CCDC33: variants seen among roughly 807,000 people sequenced by gnomAD.
CCDC33 encodes the protein coiled-coil domain-containing protein 33.
In CCDC33, 94 loss-of-function variants were observed where a neutral mutation model predicts 91.9. The ratio of observed to expected loss-of-function variants is 1.02; its 90% confidence interval spans 0.87 to 1.21. CCDC33 has a LOEUF of 1.21. Among genes scored for constraint, CCDC33 ranks in the 50% most tolerant of loss-of-function variants. The pLI is 0.00. For missense variants in CCDC33, 940 were observed against 935.5 expected (o/e 1.00, Z -0.06); for synonymous variants, 396 against 374.5 (o/e 1.06, Z -0.66).
intron 11 of CCDC33, among the ~76,000 whole-genome samples, chr15:74,297,830 G>A (rs1462914538): frequency 6.6e-6 from 1 of 152,230 alleles, no homozygotes; most frequent in Non-Finnish European, 1.5e-5. Context: ...AGGGCTCAGA[G>A]CAACCTCTCC....
chr15:74,250,306 G>A (rs1470694671), intron 2 of CCDC33, among the ~76,000 whole-genome samples: 1 of 152,114 alleles, frequency 6.6e-6, no homozygotes, highest in African/African-American at 2.4e-5. Context: ...CCAAAGTAAA[G>A]AGGATTCCAG....
intron 11 of CCDC33, among the ~76,000 whole-genome samples, chr15:74,305,198 C>T (rs1241207371): frequency 6.6e-6 from 1 of 152,186 alleles, no homozygotes; most frequent in South Asian, 2.1e-4. Context: ...CCACCCGCCT[C>T]GCCCTCCCAA....
At chr15:74,221,985 C>T (rs1398799600) in intron 2 of CCDC33, among the ~76,000 whole-genome samples, 4 of 152,116 alleles carry the variant, frequency 2.6e-5, no homozygotes, top group Admixed American at 1.3e-4. Flanking sequence ...GTGGCCTGTT[C>T]GGTGCTGGAC....
At chr15:74,267,669 T>C (rs1488597422) in intron 4 of CCDC33, among the ~76,000 whole-genome samples, 1 of 151,528 alleles carries the variant, frequency 6.6e-6, no homozygotes, top group African/African-American at 2.4e-5. Flanking sequence ...GAAGCCAGAC[T>C]GTCGGGGGTC....
intron 1 of CCDC33, chr15:74,207,857 C>G: frequency 6.5e-7 from 1 of 1,526,952 alleles, no homozygotes; most frequent in Non-Finnish European, 8.8e-7. Context: ...GGCACCAGAC[C>G]AAGTCTGACT....
chr15:74,283,794 T>TCACACA (rs3223095), intron 10 of CCDC33, among the ~76,000 whole-genome samples: 3 of 146,316 alleles, frequency 2.1e-5, no homozygotes, highest in East Asian at 2.0e-4. Context: ...AGCCAAGAAT[T>TCACACA]CACACACACA....
upstream of CCDC33, among the ~76,000 whole-genome samples, chr15:74,234,166 G>T (rs998611898): frequency 5.9e-5 from 9 of 152,238 alleles, no homozygotes; most frequent in South Asian, 2.1e-4. Context: ...AGCCTCAGGG[G>T]CTTGCCCCTC....
intron 10 of CCDC33, among the ~76,000 whole-genome samples, chr15:74,287,139 C>T (rs890880343): frequency 6.6e-6 from 1 of 152,186 alleles, no homozygotes; most frequent in African/African-American, 2.4e-5. Context: ...CTTAGAGAAA[C>T]TGCAACACAA....
intron 7 of CCDC33, among the ~76,000 whole-genome samples, chr15:74,276,355 G>A (rs1434704186): frequency 1.3e-5 from 2 of 152,178 alleles, no homozygotes; most frequent in Non-Finnish European, 2.9e-5. Flanking sequence ...TCCTACCCCG[G>A]CACCTTGGAA....
At chr15:74,261,771 G>T (rs1347223783) in intron 2 of CCDC33, among the ~76,000 whole-genome samples, 1 of 152,200 alleles carries the variant, frequency 6.6e-6, no homozygotes, top group East Asian at 1.9e-4. Flanking sequence ...ATACAGCCTG[G>T]TCCTGAACAA....
Position 74,218,943 on chromosome 15 carries a change from C to A in CCDC33, c.675+82C>A. 1 of 1,176,236 alleles carries A rather than the reference C, an allele frequency of 8.5e-7. No homozygotes were observed. The highest frequency in any genetic ancestry group is 1.5e-5 in the South Asian group (1 of 64,668). The allele number at this position is 1,176,236 out of a possible 1,614,324, so 72.9% of individuals were successfully genotyped here. A position where few individuals can be genotyped will look rare whatever the true frequency, so the allele number is the denominator to read the frequency against. ...CCTCCGTGATAAGCCAGGCTACCCC[C>A]TGTCCTGAGCTGAGCTGAGCAGAGC... On this transcript the variant is annotated intron_variant, in intron 2 of 2. Coordinates refer to the CCDC33 transcript ENST00000635913. This position sits in a 1 kb window ranked among gnomAD's most constrained non-coding sequence, Gnocchi z 4.8.
intron 1 of CCDC33, among the ~76,000 whole-genome samples, chr15:74,239,739 C>T (rs902720311): frequency 3.9e-5 from 6 of 152,206 alleles, no homozygotes; most frequent in African/African-American, 1.4e-4. Flanking sequence ...TGGTGAGCAT[C>T]CAGCTTTGCT....
At chr15:74,325,421 G>A (rs1271252581) in intron 11 of CCDC33, among the ~76,000 whole-genome samples, 1 of 152,072 alleles carries the variant, frequency 6.6e-6, no homozygotes, top group African/African-American at 2.4e-5. Flanking sequence ...CCTAGAGTGA[G>A]CTCAGGCTAT....
At chr15:74,335,156 A>C in intron 18 of CCDC33, 68 bp downstream of exon 18, 8 of 1,203,978 alleles carry the variant, frequency 6.6e-6, no homozygotes, top group Non-Finnish European at 9.9e-6. Context: ...CGCACCCCCA[A>C]AGTCACTGGG....
intron 2 of CCDC33, among the ~76,000 whole-genome samples, chr15:74,261,919 C>T (rs1803179950): frequency 6.6e-6 from 1 of 152,328 alleles, no homozygotes; most frequent in Admixed American, 6.5e-5. Flanking sequence ...GCAGGATGTG[C>T]GTGCTTCATT....
chr15:74,330,560 C>T (rs2060409665), intron 12 of CCDC33, 103 bp from the exon 13 acceptor site: 1 of 1,157,690 alleles, frequency 8.6e-7, no homozygotes, highest in Non-Finnish European at 1.3e-6. Flanking sequence ...AGTCCCGTCC[C>T]AAGCCCTCGG....
At chr15:74,261,631 T>C (rs934091464) in intron 2 of CCDC33, among the ~76,000 whole-genome samples, 1 of 152,214 alleles carries the variant, frequency 6.6e-6, no homozygotes, top group Non-Finnish European at 1.5e-5. Context: ...GCGCTGGGGA[T>C]GGCCCTGGCC....
intron 11 of CCDC33, among the ~76,000 whole-genome samples, chr15:74,305,193 C>T (rs901402155): frequency 1.3e-5 from 2 of 152,136 alleles, no homozygotes; most frequent in East Asian, 1.9e-4. Context: ...GTGATCCACC[C>T]GCCTCGCCCT....
chr15:74,306,212 C>G (rs1244907868), intron 11 of CCDC33, among the ~76,000 whole-genome samples: 2 of 152,122 alleles, frequency 1.3e-5, no homozygotes, highest in African/African-American at 4.8e-5. Flanking sequence ...CCCAATTGAG[C>G]AGGGAGACAC....
Sources: gnomAD v4.1 joint callset for allele counts (sites outside exome capture counted in the v4.1 genomes callset) on GRCh38, gnomAD v4.1.1 for gene constraint, Gnocchi (gnomAD v3.1) non-coding constraint, MANE v1.5 for transcripts, NCBI Gene and HGNC (gene_info 2026-07-23, HGNC 2026-07-21) for gene names.